ASXL2: variants seen among roughly 807,000 people sequenced by gnomAD.
ASXL2 encodes ASXL transcriptional regulator 2.
ASXL2 carries 23 observed loss-of-function variants against 122.0 expected under a neutral mutation model. The ratio of observed to expected loss-of-function variants is 0.19; its 90% CI spans 0.14 to 0.27. The LOEUF is 0.27. Ranked by LOEUF, ASXL2 falls within the 10% of genes least tolerant of loss-of-function variation. The pLI is 1.00. For synonymous variants in ASXL2, 650 were observed against 637.0 expected, an observed-to-expected ratio of 1.02 and a Z score of -0.31; for missense variants, 1,518 against 1,713.8, an observed-to-expected ratio of 0.89 and a Z score of 2.02.
At chr2:25,867,017 C>T (rs1026212936) in intron 1 of ASXL2, among the ~76,000 whole-genome samples, 1 of 152,170 alleles carries the variant, frequency 6.6e-6, no homozygotes, top group African/African-American at 2.4e-5. Flanking sequence ...TCTCCTGCCT[C>T]AGCCTCCCAA....
chr2:25,861,990 G>T (rs2089846613), intron 1 of ASXL2, among the ~76,000 whole-genome samples: 1 of 152,066 alleles, frequency 6.6e-6, no homozygotes, highest in Admixed American at 6.5e-5. Flanking sequence ...AGAATGATGA[G>T]GGATTATTTT....
chr2:25,777,428 C>A (rs1009636300), intron 5 of ASXL2, among the ~76,000 whole-genome samples: 1 of 151,800 alleles, frequency 6.6e-6, no homozygotes, highest in Non-Finnish European at 1.5e-5. Flanking sequence ...TCACTTGAGG[C>A]CAGGAGTTCG....
rs1348431069 is a variant in ASXL2, at chr2:25,749,875, G to T, written c.1681C>A (p.Gln561Lys). The change falls in exon 12 of 13, where the codon CAG becomes AAG. Residue 561 changes from glutamine (Q) to lysine (K), a missense_variant. Transcript: ENST00000435504. ...TTCCTCTTGAGGCTTTCTGGGCTCT[G>T]ATCAACAAGAGTTGCTAGAGGTTCT... Reference protein sequence around the residue: ...MKEPLATLVDQSPESLKRKSS... With the variant: ...MKEPLATLVDKSPESLKRKSS... 1.2e-6 allele frequency: 2 copies of T among 1,611,224 alleles called. No homozygotes were observed.
chr2:25,860,443 C>A (rs2089829599), intron 1 of ASXL2, among the ~76,000 whole-genome samples: 1 of 149,762 alleles, frequency 6.7e-6, no homozygotes. Context: ...TGGCTGGGTG[C>A]GGTGGCTCAC....
At chr2:25,811,751 T>C (rs956066899) in intron 3 of ASXL2, among the ~76,000 whole-genome samples, 1 of 152,124 alleles carries the variant, frequency 6.6e-6, no homozygotes, top group African/African-American at 2.4e-5. Flanking sequence ...TTTATATTTG[T>C]ATTTATTTAT....
At chr2:25,751,756 C>T (rs936851009) in intron 11 of ASXL2, among the ~76,000 whole-genome samples, 1 of 151,902 alleles carries the variant, frequency 6.6e-6, no homozygotes, top group Admixed American at 6.6e-5. Context: ...AATGCTCATA[C>T]CAAAAATATA....
intron 1 of ASXL2, 62 bp downstream of exon 1, chr2:25,878,104 G>C: frequency 6.3e-7 from 1 of 1,598,526 alleles, no homozygotes; most frequent in Non-Finnish European, 8.6e-7. Context: ...CTTTCCCTGC[G>C]ACTGGCGGGC....
intron 1 of ASXL2, among the ~76,000 whole-genome samples, chr2:25,847,130 G>C (rs2089658841): frequency 6.6e-6 from 1 of 152,064 alleles, no homozygotes; most frequent in Non-Finnish European, 1.5e-5. Flanking sequence ...AATACAGCAA[G>C]ATAAGTGGCG....
chr2:25,765,097 T>C lies in ASXL2; in HGVS notation c.775+2486A>G, dbSNP rs989344147. ...TCAATTTTACTGAAGTTAATAAAAATGATACCAATGTCAGCTAGAAAGTAT... is the reference window on the plus strand; with the variant it reads ...TCAATTTTACTGAAGTTAATAAAAACGATACCAATGTCAGCTAGAAAGTAT... On this transcript the variant is annotated intron_variant, in intron 8 of 12. Coordinates refer to ENST00000435504, the MANE Select transcript of ASXL2 (RefSeq NM_018263.6). 5.3e-5 allele frequency among the ~76,000 whole-genome samples: 8 copies of C among 152,342 alleles called. No individual in the cohort carries two copies. The South Asian group carries it at 1.7e-3, about 32-fold the overall frequency.
At chr2:25,836,539 T>C (rs1449078034) in intron 2 of ASXL2, among the ~76,000 whole-genome samples, 1 of 152,194 alleles carries the variant, frequency 6.6e-6, no homozygotes, top group Non-Finnish European at 1.5e-5. Flanking sequence ...AGCTAAAACA[T>C]ATAACCTTAA....
chr2:25,875,784 C>T (rs2090005140), intron 1 of ASXL2, among the ~76,000 whole-genome samples: 1 of 152,106 alleles, frequency 6.6e-6, no homozygotes, highest in Non-Finnish European at 1.5e-5. Flanking sequence ...ACTTGACATC[C>T]TAATGCCTAA....
Position 25,742,813 on chromosome 2 carries a change from C to A in ASXL2, c.3524G>T (p.Ser1175Ile), listed in dbSNP as rs771706903. Residue 1175 changes from serine to isoleucine, a missense_variant, in exon 13 of 13, where the codon AGC (serine) becomes ATC (isoleucine). Physicochemically the swap from Ser to Ile is moderately radical, Grantham distance 142. Around this residue, in one of 8 missense-constraint regions of ASXL2, gnomAD observed 831 missense variants for 833.1 expected, o/e 1.00. Transcript: ENST00000435504. ...DCKNATGESS[S>I]SKEDDTDEES... ...CTCATCAGTGTCATCTTCTTTGCTGCTGCTACTCTCTCCTGTTGCATTTTT... is the reference window on the plus strand; with the variant it reads ...CTCATCAGTGTCATCTTCTTTGCTGATGCTACTCTCTCCTGTTGCATTTTT... The A allele has an allele frequency of 1.9e-6, 3 of 1,614,006 alleles. No individual in the cohort carries two copies. The highest frequency in any genetic ancestry group is 2.2e-5 in the South Asian group (2 of 91,084).
intron 2 of ASXL2, among the ~76,000 whole-genome samples, chr2:25,840,453 T>A (rs1203512647): frequency 6.6e-6 from 1 of 152,356 alleles, no homozygotes; most frequent in Admixed American, 6.5e-5. Context: ...TGTGCAACTG[T>A]CACCATCATC....
intron 1 of ASXL2, among the ~76,000 whole-genome samples, chr2:25,846,491 T>C (rs1403192645): frequency 6.6e-6 from 1 of 151,852 alleles, no homozygotes; most frequent in Non-Finnish European, 1.5e-5. Context: ...CTACTGAAAA[T>C]ACAAAAATTA....
chr2:25,779,084 A>ATT (rs33911748), intron 5 of ASXL2, among the ~76,000 whole-genome samples: 11,939 of 99,282 alleles, frequency 0.12, 1,190 homozygotes, highest in African/African-American at 0.23. Context: ...CTTTTTTCTG[A>ATT]TTTTTTTTTT....
intron 5 of ASXL2, among the ~76,000 whole-genome samples, chr2:25,778,086 GA>G (rs2088576493): frequency 2.0e-5 from 3 of 152,150 alleles, no homozygotes. Context: ...TCAGAGTAAT[GA>G]ATAGGTAACC....
At chr2:25,826,025 A>G (rs2089370353) in intron 3 of ASXL2, among the ~76,000 whole-genome samples, 1 of 152,196 alleles carries the variant, frequency 6.6e-6, no homozygotes, top group Admixed American at 6.5e-5. Context: ...AATGTCTTAT[A>G]CAAGCATACA....
chr2:25,745,118 T>C (rs959528339), intron 12 of ASXL2, among the ~76,000 whole-genome samples: 2 of 152,160 alleles, frequency 1.3e-5, no homozygotes, highest in Non-Finnish European at 2.9e-5. Flanking sequence ...TTCTCATCTC[T>C]GGCTGGTATT....
chr2:25,800,260 T>C (rs1328248986), intron 4 of ASXL2, among the ~76,000 whole-genome samples: 1 of 152,194 alleles, frequency 6.6e-6, no homozygotes, highest in Non-Finnish European at 1.5e-5. Flanking sequence ...ATCGTACTAC[T>C]GCACTCCAAC....
Sources: gnomAD v4.1 joint callset for allele counts (sites outside exome capture counted in the v4.1 genomes callset) on GRCh38, gnomAD v4.1.1 for gene constraint, gnomAD v4.1.1 regional missense constraint, MANE v1.5 for transcripts, NCBI Gene and HGNC (gene_info 2026-07-23, HGNC 2026-07-21) for gene names.